Variants in FBN3 observed in about 807,000 individuals in gnomAD.
The protein encoded by FBN3 is fibrillin 3.
FBN3 carries 234 observed loss-of-function variants against 330.1 expected under a neutral mutation model. The ratio of observed to expected loss-of-function variants is 0.71; its 90% CI spans 0.64 to 0.79. The LOEUF is 0.79. Among genes scored for constraint, FBN3 ranks in the 30% least tolerant of loss-of-function variants. The pLI is 0.00. For missense variants in FBN3, 3,606 were observed against 3,886.9 expected (o/e 0.93, Z 1.92); for synonymous variants, 1,458 against 1,517.3 (o/e 0.96, Z 0.91).
Position 8,125,972 on chromosome 19 carries a change from C to T in FBN3, c.2651G>A (p.Arg884His), listed in dbSNP as rs781766536. 2.3e-5 allele frequency: 37 copies of T among 1,613,760 alleles called. No homozygotes were observed. Among genetic ancestry groups the T allele is most frequent in the Middle Eastern group, 1.6e-4 (1 of 6,084 alleles). The change falls in exon 22 of 64, where the codon CGT becomes CAT. Residue 884 changes from arginine (R) to histidine (H), a missense_variant. Physicochemically the swap from Arg to His is conservative, Grantham distance 29 (BLOSUM62 0). Coordinates refer to ENST00000600128, the MANE Select transcript of FBN3 (RefSeq NM_032447.5). ...ESFPGVCPNG[R>H]CVNTAGSFRC... ...GAAAGACCCAGCAGTGTTGACGCAA[C>T]GCCCGTTGGGACAGACTCCCGGGAA...
chr19:8,122,659 A>C (rs1177423615), intron 24 of FBN3, among the ~76,000 whole-genome samples: 2 of 138,262 alleles, frequency 1.4e-5, no homozygotes, highest in African/African-American at 5.5e-5. Flanking sequence ...GATCCATCGC[A>C]CCTGGCCCAG....
rs755295593 is a variant in FBN3, at chr19:8,138,339, G to A, written c.1019-16C>T. The A allele has an allele frequency of 1.9e-5, 31 of 1,612,294 alleles. No individual in the cohort carries two copies. The highest frequency in any genetic ancestry group is 2.5e-5 in the Non-Finnish European group (29 of 1,179,508). On this transcript the variant is annotated splice_polypyrimidine_tract_variant and intron_variant, in intron 9 of 63. Coordinates refer to ENST00000600128, the MANE Select transcript of FBN3 (RefSeq NM_032447.5). ...TGGAATTCATCTGCAAGGAAGCAGG[G>A]TTGAGGCCAGGCCCTTGGCCCTCCC...
Position 8,121,120 on chromosome 19 carries a change from C to T in FBN3, c.3211+138G>A. The T allele has an allele frequency of 3.6e-6, 3 of 843,624 alleles. No individual in the cohort carries two copies. Among genetic ancestry groups the T allele is most frequent in the South Asian group, 3.5e-5 (2 of 56,544 alleles). The allele number at this position is 843,624 out of a possible 1,614,324, so 52.3% of individuals were successfully genotyped here. A position where few individuals can be genotyped will look rare whatever the true frequency, so the allele number is the denominator to read the frequency against. Reference sequence around the variant, plus strand: ...CTCATGGAGCCCAGACTCACTGTACCTCAGCTAATTTACAGCTCCTCCCTC... The same window carrying T: ...CTCATGGAGCCCAGACTCACTGTACTTCAGCTAATTTACAGCTCCTCCCTC... On this transcript the variant is annotated intron_variant, in intron 25 of 63. Transcript: ENST00000600128. This position sits in a 1 kb window ranked among gnomAD's most constrained non-coding sequence, Gnocchi z 4.5.
intron 47 of FBN3, among the ~76,000 whole-genome samples, chr19:8,091,909 C>T (rs894418572): frequency 6.6e-5 from 10 of 152,260 alleles, no homozygotes; most frequent in Non-Finnish European, 1.3e-4. Context: ...AGGCCGGGCG[C>T]GGTGGCTCAT....
In FBN3 at chr19:8,089,560, C is replaced by T. The variant is rs1457007763; in HGVS notation, c.6361G>A (p.Gly2121Ser). The T allele has an allele frequency of 6.2e-7, 1 of 1,614,112 alleles. No individual in the cohort carries two copies. Among genetic ancestry groups the T allele is most frequent in the Non-Finnish European group, 8.5e-7 (1 of 1,179,988 alleles). The change falls in exon 51 of 64, where the codon GGC becomes AGC. Residue 2121 changes from glycine to serine, a missense_variant. By Grantham distance (56) the Gly-to-Ser change is moderately conservative. Coordinates refer to ENST00000600128, the MANE Select transcript of FBN3 (RefSeq NM_032447.5). ...CPFGYSLDFT[G>S]INCVDTDECS... ...GGCCACTCACCCACACAGTTGATGCCAGTGAAGTCCAGGCTGTAGCCAAAG... is the reference window on the plus strand; with the variant it reads ...GGCCACTCACCCACACAGTTGATGCTAGTGAAGTCCAGGCTGTAGCCAAAG...
Position 8,136,225 on chromosome 19 carries a change from C to T in FBN3, c.1430G>A (p.Gly477Asp). Reference protein sequence around the residue: ...PGTYHCRCYPGFQATPTRQAC... With the variant: ...PGTYHCRCYPDFQATPTRQAC... ...CTGCCTGGTGGGCGTGGCCTGGAAG[C>T]CCGGGTAGCACCGGCAGTGGTAGGT... is the stretch of plus-strand genomic sequence containing the variant. The change falls in exon 12 of 64, where the codon GGC (glycine) becomes GAC (aspartate). Residue 477 changes from glycine (G) to aspartate (D), a missense_variant. By Grantham distance (94) the Gly-to-Asp change is moderately conservative. Coordinates refer to ENST00000600128, the MANE Select transcript of FBN3 (RefSeq NM_032447.5). 6.2e-7 allele frequency: 1 copy of T among 1,612,508 alleles called. No homozygotes were observed. Among genetic ancestry groups the T allele is most frequent in the Non-Finnish European group, 8.5e-7 (1 of 1,179,676 alleles).
intron 63 of FBN3, among the ~76,000 whole-genome samples, chr19:8,070,086 C>T (rs1168853859): frequency 1.3e-5 from 2 of 152,124 alleles, no homozygotes; most frequent in Non-Finnish European, 2.9e-5. Flanking sequence ...ATGAAGTTTA[C>T]AGAAAATATC....
At chr19:8,106,562 G>C (rs1198638413) in intron 37 of FBN3, among the ~76,000 whole-genome samples, 4 of 152,242 alleles carry the variant, frequency 2.6e-5, no homozygotes, top group African/African-American at 9.6e-5. Context: ...AGAAAGGATG[G>C]ATGGGAGGAT....
Position 8,073,100 on chromosome 19 carries a change from A to G in FBN3, c.7900T>C (p.Cys2634Arg), listed in dbSNP as rs747144961. 6 of 1,613,162 alleles carry G rather than the reference A, an allele frequency of 3.7e-6. No individual in the cohort carries two copies. Among genetic ancestry groups the G allele is most frequent in the Non-Finnish European group, 5.1e-6 (6 of 1,179,580 alleles). ...SCANTPGGFL[C>R]GCPQGYFRAG... ...CGGAAGTAGCCTTGAGGACAGCCGC[A>G]CAGGAAGCCACCAGGCGTGTTGGCA... The change falls in exon 62 of 64, where the codon TGC becomes CGC. Residue 2634 changes from cysteine to arginine, a missense_variant. By Grantham distance (180) the Cys-to-Arg change is radical. Transcript: ENST00000600128.
intron 38 of FBN3, among the ~76,000 whole-genome samples, chr19:8,104,971 T>G (rs1568401054): frequency 1.3e-5 from 2 of 152,000 alleles, no homozygotes; most frequent in Admixed American, 1.3e-4. Context: ...TTTATTTTTT[T>G]TGAGACAGAG....
At position 8,096,005 on chromosome 19, in the gene FBN3, C is replaced by T. The variant is rs758648442; in HGVS notation, c.5615G>A (p.Cys1872Tyr). The change falls in exon 45 of 64, where the codon TGC (cysteine) becomes TAC (tyrosine). Residue 1872 changes from cysteine to tyrosine, a missense_variant. Transcript: ENST00000600128. The surrounding 1 kb of genome is among the most constrained non-coding windows in gnomAD (Gnocchi z 4.6). Reference protein sequence around the residue: ...KNIIGSYNCLCFPGFVVTHNG... With the variant: ...KNIIGSYNCLYFPGFVVTHNG... The stretch of plus-strand genomic sequence containing the variant: ...GTGTGTCACCACAAAGCCAGGGAAG[C>T]AGAGGCAGTTGTAGGAGCCAATGAT... 2 of 1,613,946 alleles carry T rather than the reference C, an allele frequency of 1.2e-6. No homozygotes were observed. Among genetic ancestry groups the T allele is most frequent in the Admixed American group, 3.3e-5 (2 of 59,992 alleles).
At position 8,073,134 on chromosome 19, in the gene FBN3, G is replaced by A; in HGVS notation, c.7866C>T (p.Ser2622=). Residue 2622 remains serine (S), a synonymous_variant, in exon 62 of 64, where the codon AGC becomes AGT. Coordinates refer to ENST00000600128, the MANE Select transcript of FBN3 (RefSeq NM_032447.5). ...CACCAGGCGTGTTGGCACAGCTGTAGCTACAGGGGCCACGCCGTCCGGCGC... is the reference window on the plus strand; with the variant it reads ...CACCAGGCGTGTTGGCACAGCTGTAACTACAGGGGCCACGCCGTCCGGCGC... The part of the protein sequence containing the change: ...DECAGRRGPC[S]YSCANTPGGF... 6.2e-7 allele frequency: 1 copy of A among 1,613,914 alleles called. No homozygotes were observed. The highest frequency in any genetic ancestry group is 8.5e-7 in the Non-Finnish European group (1 of 1,179,960).
At chr19:8,098,042 G>C (rs778859339) in intron 41 of FBN3, among the ~76,000 whole-genome samples, 1 of 152,230 alleles carries the variant, frequency 6.6e-6, no homozygotes, top group Non-Finnish European at 1.5e-5. Context: ...TGATGAAAAT[G>C]TTTTAAACTT....
chr19:8,079,476 C>G (rs961599345), intron 59 of FBN3, among the ~76,000 whole-genome samples: 8 of 152,078 alleles, frequency 5.3e-5, no homozygotes, highest in Non-Finnish European at 8.8e-5. Context: ...ACCACCAAAC[C>G]TCTCCCTACC....
chr19:8,090,012 G>A, intron 49 of FBN3, 53 bp from the exon 50 acceptor site: 1 of 1,600,256 alleles, frequency 6.2e-7, no homozygotes, highest in East Asian at 2.2e-5. Context: ...GCAGCCCCCA[G>A]GTGTGTGCAG....
chr19:8,129,305 C>G lies in FBN3; in HGVS notation c.2105G>C (p.Arg702Pro), dbSNP rs1462253236. 6.2e-7 allele frequency: 1 copy of G among 1,613,988 alleles called. No homozygotes were observed. The highest frequency in any genetic ancestry group is 8.5e-7 in the Non-Finnish European group (1 of 1,180,036). ...VCANGVCENL[R>P]GSYRCVCNLG... is the part of the protein sequence containing the mutation. ...GTTGCAGACACAGCGGTAGCTGCCC[C>G]GAAGGTTCTCGCACACGCCATTGGC... Residue 702 changes from arginine to proline, a missense_variant, in exon 17 of 64, where the codon CGG (arginine) becomes CCG (proline). Coordinates refer to ENST00000600128, the MANE Select transcript of FBN3 (RefSeq NM_032447.5). This position sits in a 1 kb window ranked among gnomAD's most constrained non-coding sequence, Gnocchi z 4.5.
intron 37 of FBN3, 89 bp from the exon 38 acceptor site, chr19:8,106,322 GC>G (rs1316065977): frequency 2.1e-6 from 3 of 1,423,174 alleles, no homozygotes; most frequent in African/African-American, 2.8e-5. Context: ...GTTCTCCAGG[GC>G]CCTCTCGAGG....
Position 8,073,269 on chromosome 19 carries a change from G to T in FBN3, c.7731C>A (p.Pro2577=), listed in dbSNP as rs756551000. The T allele has an allele frequency of 2.6e-5, 42 of 1,613,750 alleles. No individual in the cohort carries two copies. The Admixed American group carries it at 6.2e-4, about 24-fold the overall frequency. The change falls in exon 62 of 64, where the codon CCC becomes CCA. Residue 2577 remains proline (P), a synonymous_variant. Transcript: ENST00000600128. ...TGCGACAGGAGGCGCTCCCGCAGGT[G>T]GGGGGCGACAGGGCACACTCATTCT... ...VDENECALSP[P]TCGSASCRNT...
At chr19:8,106,277 C>T (rs1050570705) in intron 37 of FBN3, 44 bp from the exon 38 acceptor site, 25 of 1,611,830 alleles carry the variant, frequency 1.6e-5, no homozygotes, top group Non-Finnish European at 2.0e-5. Flanking sequence ...TAAACCCATG[C>T]AGAGGACTTA....
Sources: gnomAD v4.1 joint callset for allele counts (sites outside exome capture counted in the v4.1 genomes callset) on GRCh38, gnomAD v4.1.1 for gene constraint, Gnocchi (gnomAD v3.1) non-coding constraint, MANE v1.5 for transcripts, NCBI Gene and HGNC (gene_info 2026-07-23, HGNC 2026-07-21) for gene names.